The following PFKP variants were observed in gnomAD, a reference collection of about 807,000 sequenced individuals.
The protein encoded by PFKP is ATP-dependent 6-phosphofructokinase, platelet type.
In PFKP, 101 loss-of-function variants were observed where a neutral mutation model predicts 94.3. The observed-to-expected ratio is 1.07, with a 90% CI of 0.91 to 1.26. The LOEUF (loss-of-function observed/expected upper bound fraction) is 1.26. PFKP is among the 50% of genes most tolerant of loss of function. The probability of loss-of-function intolerance (pLI) is 0.00; values close to 1 mark genes in which losing one functional copy is unlikely to be tolerated. For synonymous variants in PFKP, 573 were observed against 432.6 expected, an observed-to-expected ratio of 1.32 and a Z score of -4.03; for missense variants, 1,145 against 1,103.3, an observed-to-expected ratio of 1.04 and a Z score of -0.53.
intron 2 of PFKP, among the ~76,000 whole-genome samples, chr10:3,084,787 G>T (rs1385054060): frequency 3.1e-5 from 2 of 64,576 alleles, no homozygotes; most frequent in Admixed American, 1.6e-4. Context: ...CCCTCCCCAG[G>T]AGAGTCCTCC....
chr10:3,107,195 T>A lies in PFKP; in HGVS notation c.775-19T>A. 3 of 1,486,728 alleles carry A rather than the reference T, an allele frequency of 2.0e-6. No individual in the cohort carries two copies. Among genetic ancestry groups the A allele is most frequent in the Non-Finnish European group, 2.8e-6 (3 of 1,064,968 alleles). 92.1% of individuals were successfully genotyped at this position (1,486,728 alleles called of 1,614,324 possible). A position where few individuals can be genotyped will look rare whatever the true frequency, so the allele number is the denominator to read the frequency against. ...AACAGGATTAGGAATTTGAGAGCTT[T>A]AATTTTCTGTCTCCACAGAACCGTG... On this transcript the variant is annotated intron_variant, in intron 7 of 21. Transcript: ENST00000381125.
intron 16 of PFKP, among the ~76,000 whole-genome samples, chr10:3,127,606 A>G (rs1277041984): frequency 6.6e-6 from 1 of 152,198 alleles, no homozygotes; most frequent in Non-Finnish European, 1.5e-5. Context: ...ACATTTAGAG[A>G]GACCCGGTAC....
chr10:3,100,783 ATG>A, intron 3 of PFKP: 1 of 576,688 alleles, frequency 1.7e-6, no homozygotes, highest in East Asian at 2.8e-5. Flanking sequence ...ATCATGATCT[ATG>A]TCCCCTGGAA....
chr10:3,110,353 C>G (rs1349066772), intron 10 of PFKP, among the ~76,000 whole-genome samples: 1 of 148,810 alleles, frequency 6.7e-6, no homozygotes, highest in Non-Finnish European at 1.5e-5. Flanking sequence ...TGCCCACCAC[C>G]ACGCCTGGCT....
chr10:3,093,852 C>A (rs552143680), intron 2 of PFKP, among the ~76,000 whole-genome samples: 1 of 152,078 alleles, frequency 6.6e-6, no homozygotes, highest in South Asian at 2.1e-4. Context: ...ACCGTGTTAG[C>A]CAGGATGGTC....
intron 2 of PFKP, among the ~76,000 whole-genome samples, chr10:3,088,449 C>G (rs1246802894): frequency 6.6e-6 from 1 of 152,084 alleles, no homozygotes; most frequent in Non-Finnish European, 1.5e-5. Context: ...AGAAAACACA[C>G]TAAAATCTGT....
rs1836891508 is a variant in PFKP at position 3,116,934 on chromosome 10, A to C, written c.1442+88A>C. On this transcript the variant is annotated intron_variant, in intron 14 of 21. Transcript: ENST00000381125. ...GAGAGAATCGCTGGGTGCCGACGCC[A>C]GTTGGATTCCTGGAAAGGCGTCCCT... 2.2e-5 allele frequency: 23 copies of C among 1,049,464 alleles called. No homozygotes were observed. In the South Asian group the frequency reaches 2.8e-4, roughly 13 times the overall value. 65.0% of individuals were successfully genotyped at this position (1,049,464 alleles called of 1,614,324 possible).
chr10:3,132,877 G>T (rs1460354431), intron 18 of PFKP, among the ~76,000 whole-genome samples: 18 of 150,678 alleles, frequency 1.2e-4, no homozygotes, highest in African/African-American at 4.4e-4. Flanking sequence ...GCATGGAGAT[G>T]CAGGGCACAG....
rs905017831 is a variant in PFKP, at chr10:3,105,630, T to C, written c.774+129T>C. 4 of 684,842 alleles carry C rather than the reference T, an allele frequency of 5.8e-6. No homozygotes were observed. The Middle Eastern group carries it at 1.0e-3, about 180-fold the overall frequency. The allele number at this position is 684,842 out of a possible 1,614,324, so 42.4% of individuals were successfully genotyped here. On this transcript the variant is annotated intron_variant, in intron 7 of 21. Transcript: ENST00000381125. ...TGTCTCCAGTTTGTCACACTTTGTA[T>C]TTCACTCTATGGACTGTGAGCGTGG...
In PFKP at chr10:3,135,918, G is replaced by A. The variant is rs574199696; in HGVS notation, c.2225+80G>A. On this transcript the variant is annotated intron_variant, in intron 21 of 21. Coordinates refer to ENST00000381125, the MANE Select transcript of PFKP (RefSeq NM_002627.5). The stretch of plus-strand genomic sequence containing the variant: ...GGGAATGGCCATTGCTGTTGCTGTC[G>A]GCAACTCATTCAGGGGTTTGAGGAA... 95 of 839,136 alleles carry A rather than the reference G, an allele frequency of 1.1e-4. 1 individual carries two copies. The highest frequency in any genetic ancestry group is 1.0e-3 in the African/African-American group (61 of 58,354). The allele number at this position is 839,136 out of a possible 1,614,324, so 52.0% of individuals were successfully genotyped here.
intron 11 of PFKP, 111 bp downstream of exon 11, chr10:3,112,397 A>G (rs2131600210): frequency 1.2e-6 from 1 of 836,304 alleles, no homozygotes; most frequent in Non-Finnish European, 2.1e-6. Context: ...GTGAAAAATC[A>G]GAAAGTCAGG....
chr10:3,132,071 T>C (rs1206663789), intron 17 of PFKP, among the ~76,000 whole-genome samples: 1 of 151,646 alleles, frequency 6.6e-6, no homozygotes, highest in Non-Finnish European at 1.5e-5. Context: ...CAAGGAGCAA[T>C]AGAGCCATGA....
chr10:3,067,685 G>A lies in PFKP; in HGVS notation c.90G>A (p.Leu30=), dbSNP rs1831831001. The A allele has an allele frequency of 6.6e-7, 1 of 1,521,086 alleles. No individual in the cohort carries two copies. Among genetic ancestry groups the A allele is most frequent in the Non-Finnish European group, 8.8e-7 (1 of 1,133,486 alleles). 94.2% of individuals were successfully genotyped at this position (1,521,086 alleles called of 1,614,324 possible). A position where few individuals can be genotyped will look rare whatever the true frequency, so the allele number is the denominator to read the frequency against. Residue 30 remains leucine, a synonymous_variant, in exon 1 of 22, where the codon CTG becomes CTA. Transcript: ENST00000381125. Reference sequence around the variant, plus strand: ...GGGCCGGCAAGGCCATCGGCGTGCTGACCAGCGGCGGGGATGCTCAAGGTG... The same window carrying A: ...GGGCCGGCAAGGCCATCGGCGTGCTAACCAGCGGCGGGGATGCTCAAGGTG... ...LSGAGKAIGV[L]TSGGDAQGMN...
At chr10:3,104,800 A>G (rs1394045489) in intron 5 of PFKP, 2 of 435,822 alleles carry the variant, frequency 4.6e-6, no homozygotes, top group African/African-American at 2.0e-5. Context: ...TATCTGGGAA[A>G]GAGCCCAGCA....
In PFKP at chr10:3,123,969, T is replaced by TTGTGGTCACCCAGCACTGACCCTGC. The variant is rs1564342602; in HGVS notation, c.1683+3926_1683+3927insGTGGTCACCCAGCACTGACCCTGCT. ...TTGTGGTCACCCAGCACTGACCCCG[T>TTGTGGTCACCCAGCACTGACCCTGC]TCACAGCTCGCCTTGTGGTCACCCA... is the stretch of plus-strand genomic sequence containing the variant. On this transcript the variant is annotated intron_variant, in intron 16 of 21. Transcript: ENST00000381125. 2.7e-4 allele frequency among the ~76,000 whole-genome samples: 40 copies of TTGTGGTCACCCAGCACTGACCCTGC among 150,290 alleles called. 3 individuals carry two copies. The highest frequency in any genetic ancestry group is 9.7e-5 in the African/African-American group (4 of 41,128).
chr10:3,126,154 T>A (rs151091632), intron 16 of PFKP, among the ~76,000 whole-genome samples: 138 of 152,334 alleles, frequency 9.1e-4, no homozygotes, highest in African/African-American at 2.7e-3. Context: ...AGACAGCAGT[T>A]CTATTCCGGG....
intron 1 of PFKP, chr10:3,068,557 T>C (rs889070301): frequency 4.9e-5 from 25 of 511,896 alleles, no homozygotes; most frequent in Non-Finnish European, 1.8e-5. Flanking sequence ...TTCCCTGCCC[T>C]GCAATGTGGA....
At position 3,103,786 on chromosome 10, in the gene PFKP, C is replaced by G; in HGVS notation, c.462C>G (p.Ile154Met). The G allele has an allele frequency of 1.9e-6, 3 of 1,613,880 alleles. No individual in the cohort carries two copies. Among genetic ancestry groups the G allele is most frequent in the Non-Finnish European group, 2.5e-6 (3 of 1,180,032 alleles). The change falls in exon 5 of 22, where the codon ATC (isoleucine) becomes ATG (methionine). Residue 154 changes from isoleucine to methionine, a missense_variant. Around this residue, in one of 3 missense-constraint regions of PFKP, gnomAD observed 1,119 missense variants for 1,062.8 expected, o/e 1.05. Transcript: ENST00000381125. ...TGTTTGCTCCCCGCGCAGGCCAGAT[C>G]GATAAGGAGGCCGTGCAGAAGTACG... Reference protein sequence around the residue: ...LLEELARNGQIDKEAVQKYAY... With the variant: ...LLEELARNGQMDKEAVQKYAY...
chr10:3,097,587 G>T (rs1179839780), intron 2 of PFKP, among the ~76,000 whole-genome samples: 1 of 152,184 alleles, frequency 6.6e-6, no homozygotes, highest in Admixed American at 6.5e-5. Context: ...CTGGGTGCCT[G>T]GGGGGTCTCG....
Sources: gnomAD v4.1 joint callset for allele counts (sites outside exome capture counted in the v4.1 genomes callset) on GRCh38, gnomAD v4.1.1 for gene constraint, gnomAD v4.1.1 regional missense constraint, MANE v1.5 for transcripts, NCBI Gene and HGNC (gene_info 2026-07-23, HGNC 2026-07-21) for gene names.